QTMAN: variants seen among roughly 807,000 people sequenced by gnomAD.
QTMAN encodes queuosine-tRNA mannosyltransferase, also known as tRNA-queuosine alpha-mannosyltransferase.
chr2:144,176,362 T>C, the QTMAN span, among the ~76,000 whole-genome samples: 376 of 152,282 alleles, frequency 2.5e-3, 1 homozygote, highest in African/African-American at 8.6e-3. Context: ...TGAACTTTTT[T>C]TACTCTAATA....
the QTMAN span, among the ~76,000 whole-genome samples, chr2:144,273,109 G>A: frequency 6.6e-6 from 1 of 151,826 alleles, no homozygotes. Context: ...TTCTACTTCA[G>A]AAAGCTCCAG....
chr2:144,296,520 A>G, the QTMAN span, among the ~76,000 whole-genome samples: 1 of 152,364 alleles, frequency 6.6e-6, no homozygotes, highest in East Asian at 1.9e-4. Flanking sequence ...TAAAGTACAA[A>G]AAATATTCTA....
At chr2:143,966,909 C>T in the QTMAN span, among the ~76,000 whole-genome samples, 1 of 152,258 alleles carries the variant, frequency 6.6e-6, no homozygotes, top group East Asian at 1.9e-4. Flanking sequence ...TGCCATCACT[C>T]AGTGGTGTGC....
chr2:144,189,492 T>A, the QTMAN span, among the ~76,000 whole-genome samples: 152 of 152,338 alleles, frequency 1.0e-3, 1 homozygote, highest in East Asian at 0.024. Flanking sequence ...CACTGATTAA[T>A]AATTTCTCAA....
chr2:144,106,094 T>A, the QTMAN span, among the ~76,000 whole-genome samples: 11 of 151,992 alleles, frequency 7.2e-5, no homozygotes, highest in Admixed American at 7.2e-4. Context: ...CTAAAAGAGC[T>A]CCTGAAGGAA....
At chr2:144,081,796 A>G in the QTMAN span, among the ~76,000 whole-genome samples, 1 of 152,164 alleles carries the variant, frequency 6.6e-6, no homozygotes, top group Non-Finnish European at 1.5e-5. Context: ...TTGTGGCAAC[A>G]TTATTCTTGA....
the QTMAN span, chr2:143,941,089 T>A: frequency 2.6e-4 from 39 of 152,338 alleles, no homozygotes; most frequent in African/African-American, 9.1e-4. Flanking sequence ...TCTTGACTAC[T>A]GCTCAACCAC....
At chr2:144,108,577 G>A in the QTMAN span, among the ~76,000 whole-genome samples, 1 of 149,446 alleles carries the variant, frequency 6.7e-6, no homozygotes, top group Non-Finnish European at 1.5e-5. Context: ...GGCGGAGCTT[G>A]GAGTGAGCCG....
At chr2:144,241,200 T>C in the QTMAN span, among the ~76,000 whole-genome samples, 5 of 152,278 alleles carry the variant, frequency 3.3e-5, no homozygotes, top group South Asian at 1.0e-3. Flanking sequence ...ACCCCAGACC[T>C]AGTGAACCAG....
At chr2:144,177,925 T>C in the QTMAN span, among the ~76,000 whole-genome samples, 4 of 152,212 alleles carry the variant, frequency 2.6e-5, no homozygotes, top group Non-Finnish European at 5.9e-5. Context: ...CTTTTAAATT[T>C]AGGATATATT....
the QTMAN span, among the ~76,000 whole-genome samples, chr2:144,325,542 C>A: frequency 6.6e-6 from 1 of 151,838 alleles, no homozygotes; most frequent in East Asian, 1.9e-4. Context: ...AGATTGAGGT[C>A]ATGTACCTTG....
At chr2:144,095,217 T>C in the QTMAN span, among the ~76,000 whole-genome samples, 1 of 152,230 alleles carries the variant, frequency 6.6e-6, no homozygotes, top group Non-Finnish European at 1.5e-5. Context: ...TCTACACTTG[T>C]CTTGCCCAGT....
chr2:144,063,996 C>A, the QTMAN span, among the ~76,000 whole-genome samples: 2 of 152,222 alleles, frequency 1.3e-5, no homozygotes, highest in Admixed American at 1.3e-4. Context: ...GCTTTGTTGA[C>A]CTTATTATAG....
the QTMAN span, among the ~76,000 whole-genome samples, chr2:144,246,453 G>A: frequency 8.0e-5 from 12 of 150,616 alleles, no homozygotes; most frequent in African/African-American, 2.9e-4. Flanking sequence ...GGCGCCTGTA[G>A]TCCCAGCTAC....
chr2:144,182,376 C>G, the QTMAN span, among the ~76,000 whole-genome samples: 3 of 152,052 alleles, frequency 2.0e-5, no homozygotes, highest in Non-Finnish European at 4.4e-5. Context: ...CATTGTGGCT[C>G]AAGCCTGTAA....
the QTMAN span, among the ~76,000 whole-genome samples, chr2:143,991,505 A>C: frequency 2.2e-5 from 3 of 135,780 alleles, no homozygotes; most frequent in Non-Finnish European, 3.1e-5. Flanking sequence ...GGCCACCCCT[A>C]CTGGGAAGTG....
At chr2:144,076,331 G>A in the QTMAN span, among the ~76,000 whole-genome samples, 1 of 152,172 alleles carries the variant, frequency 6.6e-6, no homozygotes, top group Non-Finnish European at 1.5e-5. Flanking sequence ...CAAACTCCTA[G>A]GCTGTGCCTT....
At chr2:144,007,696 A>C in the QTMAN span, among the ~76,000 whole-genome samples, 1 of 152,150 alleles carries the variant, frequency 6.6e-6, no homozygotes, top group East Asian at 1.9e-4. Context: ...GTAGCCACTA[A>C]GAGAAGTTCA....
chr2:143,939,197 T>C, the QTMAN span: 1 of 152,254 alleles, frequency 6.6e-6, no homozygotes, highest in Non-Finnish European at 1.5e-5. Flanking sequence ...TAGGAGTTTT[T>C]CTTTTTCTTA....
Sources: allele counts gnomAD v4.1 joint callset (sites outside exome capture counted in the v4.1 genomes callset), GRCh38; gene constraint gnomAD v4.1.1; transcripts MANE v1.5; gene names NCBI Gene and HGNC (gene_info 2026-07-23, HGNC 2026-07-21).